The following FBXO34 variants were observed in gnomAD, a reference collection of about 807,000 sequenced individuals.
The protein encoded by FBXO34 is F-box only protein 34.
Under a neutral mutation model 24.5 loss-of-function variants are expected in FBXO34, and 12 were observed. The observed-to-expected ratio is 0.49, with a 90% CI of 0.31 to 0.79. The LOEUF is 0.79. Ranked by LOEUF, FBXO34 falls within the 30% of genes least tolerant of loss-of-function variation. The pLI is 0.04. For synonymous variants in FBXO34, 320 were observed against 311.9 expected, an observed-to-expected ratio of 1.03 and a Z score of -0.27; for missense variants, 823 against 857.7, an observed-to-expected ratio of 0.96 and a Z score of 0.51.
At chr14:55,437,838 G>A in the FBXO34 span, among the ~76,000 whole-genome samples, 1 of 152,152 alleles carries the variant, frequency 6.6e-6, no homozygotes, top group Non-Finnish European at 1.5e-5. Context: ...CTAGGCAAAG[G>A]CGTAATAAGA....
chr14:55,325,384 A>G (rs1366103078), intron 1 of FBXO34, among the ~76,000 whole-genome samples: 1 of 152,198 alleles, frequency 6.6e-6, no homozygotes, highest in Non-Finnish European at 1.5e-5. Context: ...TGCAGTGCTA[A>G]GTTGTGATGG....
At chr14:55,378,186 CT>C in the FBXO34 span, 1 of 812,822 alleles carries the variant, frequency 1.2e-6, no homozygotes, top group Non-Finnish European at 2.0e-6. Context: ...CCTTTTACTC[CT>C]TAGTAAATTG....
intron 1 of FBXO34, among the ~76,000 whole-genome samples, chr14:55,307,161 T>C (rs1260946132): frequency 6.6e-6 from 1 of 152,250 alleles, no homozygotes; most frequent in African/African-American, 2.4e-5. Flanking sequence ...CTTGCAGTTA[T>C]GGCTACAAAT....
chr14:55,303,213 A>C (rs1882425107), intron 1 of FBXO34, among the ~76,000 whole-genome samples: 1 of 152,168 alleles, frequency 6.6e-6, no homozygotes, highest in East Asian at 1.9e-4. Context: ...TCAGCTGTGA[A>C]AAAAGATGAT....
chr14:55,368,975 A>AAAAG (rs1279357331), downstream of FBXO34: 5 of 152,256 alleles, frequency 3.3e-5, no homozygotes, highest in African/African-American at 1.2e-4. Flanking sequence ...GTCCTAAAGA[A>AAAAG]AAAGACTTTC....
chr14:55,380,874 TA>T, the FBXO34 span, among the ~76,000 whole-genome samples: 33 of 99,900 alleles, frequency 3.3e-4, no homozygotes, highest in African/African-American at 1.1e-3. Context: ...TATATATATA[TA>T]TTTTTTTTTT....
At chr14:55,346,125 A>G (rs1884152659) in intron 1 of FBXO34, among the ~76,000 whole-genome samples, 1 of 152,234 alleles carries the variant, frequency 6.6e-6, no homozygotes, top group African/African-American at 2.4e-5. Flanking sequence ...GCTGCCTTCA[A>G]ATTGTATCTT....
intron 1 of FBXO34, among the ~76,000 whole-genome samples, chr14:55,295,430 T>C (rs904156823): frequency 1.3e-5 from 2 of 149,060 alleles, no homozygotes; most frequent in African/African-American, 5.0e-5. Context: ...GTCTCTCGTC[T>C]GTTGCCCAGG....
the FBXO34 span, chr14:55,436,575 A>C: frequency 6.2e-7 from 1 of 1,613,940 alleles, no homozygotes; most frequent in African/African-American, 1.3e-5. Flanking sequence ...GTTGAGGTAC[A>C]ATTCCACAAC....
At chr14:55,365,138 G>T (rs1285751539), downstream of FBXO34, among the ~76,000 whole-genome samples, 1 of 149,472 alleles carries the variant, frequency 6.7e-6, no homozygotes, top group Non-Finnish European at 1.5e-5. Context: ...GTGAACCTGG[G>T]AGGCAGAGCT....
chr14:55,362,533 T>G (rs1442022262), downstream of FBXO34, among the ~76,000 whole-genome samples: 1 of 152,124 alleles, frequency 6.6e-6, no homozygotes, highest in Non-Finnish European at 1.5e-5. Flanking sequence ...CAAGGTATGC[T>G]TGTATAAAGG....
At chr14:55,342,863 C>T (rs1053433818) in intron 1 of FBXO34, among the ~76,000 whole-genome samples, 3 of 152,102 alleles carry the variant, frequency 2.0e-5, no homozygotes, top group South Asian at 2.1e-4. Context: ...ATTTTATTTG[C>T]GTCATAATTT....
Position 55,276,482 on chromosome 14 carries a change from C to G in FBXO34, c.-11+4945C>G, listed in dbSNP as rs117143076. ...ATGCCTATTATTAACTATTTGTTTACTTGTTTTGTTGTGCCTGAGCGAGTT... is the reference window on the plus strand; with the variant it reads ...ATGCCTATTATTAACTATTTGTTTAGTTGTTTTGTTGTGCCTGAGCGAGTT... On this transcript the variant is annotated intron_variant, in intron 1 of 1. Transcript: ENST00000313833. Among the ~76,000 whole-genome samples the G allele has an allele frequency of 7.9e-3, 1,200 of 152,136 alleles. 9 individuals carry two copies. The highest frequency in any genetic ancestry group is 0.014 in the Non-Finnish European group (963 of 67,996).
At chr14:55,373,905 T>G (rs964756547), downstream of FBXO34, among the ~76,000 whole-genome samples, 2 of 152,202 alleles carry the variant, frequency 1.3e-5, no homozygotes, top group East Asian at 3.8e-4. Flanking sequence ...AACAATCTTC[T>G]CTACACTTTG....
At chr14:55,395,365 G>T in the FBXO34 span, 26 of 224,648 alleles carry the variant, frequency 1.2e-4, no homozygotes, top group South Asian at 1.8e-4. Flanking sequence ...TTGTTTGTTT[G>T]TTTGTTTGAG....
chr14:55,426,769 G>A, the FBXO34 span, among the ~76,000 whole-genome samples: 1 of 152,144 alleles, frequency 6.6e-6, no homozygotes. Flanking sequence ...AACTGTCCCA[G>A]GAGGAAGATA....
At chr14:55,411,157 C>A in the FBXO34 span, among the ~76,000 whole-genome samples, 1 of 152,314 alleles carries the variant, frequency 6.6e-6, no homozygotes, top group East Asian at 1.9e-4. Context: ...GACTACCAGG[C>A]CCAAATCCCT....
the FBXO34 span, among the ~76,000 whole-genome samples, chr14:55,430,713 T>G: frequency 7.2e-5 from 11 of 152,184 alleles, no homozygotes; most frequent in Non-Finnish European, 1.0e-4. Context: ...TGATCTGGTA[T>G]CTACTCACTA....
At chr14:55,439,169 C>G in the FBXO34 span, among the ~76,000 whole-genome samples, 1 of 151,786 alleles carries the variant, frequency 6.6e-6, no homozygotes, top group Non-Finnish European at 1.5e-5. Flanking sequence ...GAACTCCTGA[C>G]CTCAAATGAG....
Sources: gnomAD v4.1 joint callset for allele counts (sites outside exome capture counted in the v4.1 genomes callset) on GRCh38, gnomAD v4.1.1 for gene constraint, MANE v1.5 for transcripts, NCBI Gene and HGNC (gene_info 2026-07-23, HGNC 2026-07-21) for gene names.